Variants in AMZ1 observed in about 807,000 individuals in gnomAD.
The protein encoded by AMZ1 is archaemetzincin-1.
AMZ1 carries 39 observed loss-of-function variants against 29.9 expected under a neutral mutation model. That is an observed-to-expected ratio of 1.30 (90% confidence interval 1.01 to 1.70). The LOEUF is 1.70. AMZ1 is among the 40% of genes most tolerant of loss of function. AMZ1 has a pLI of 0.00. For synonymous variants in AMZ1, 458 were observed against 304.0 expected, an observed-to-expected ratio of 1.51 and a Z score of -5.27; for missense variants, 1,041 against 680.6, an observed-to-expected ratio of 1.53 and a Z score of -5.89.
intron 1 of AMZ1, among the ~76,000 whole-genome samples, chr7:2,692,958 G>T (rs1399473817): frequency 1.3e-5 from 2 of 152,160 alleles, no homozygotes; most frequent in Admixed American, 1.3e-4. Flanking sequence ...ACCCACCTCT[G>T]TCTGGGACGG....
Position 2,712,688 on chromosome 7 carries a change from C to G in AMZ1, c.1307C>G (p.Ala436Gly). 6.2e-7 allele frequency: 1 copy of G among 1,612,368 alleles called. No homozygotes were observed. The highest frequency in any genetic ancestry group is 8.5e-7 in the Non-Finnish European group (1 of 1,179,640). ...GTGCAGGTGGACAGAGCCGTGGACGCCCTCGACCGCTGGGAGATGTTCACG... is the reference window on the plus strand; with the variant it reads ...GTGCAGGTGGACAGAGCCGTGGACGGCCTCGACCGCTGGGAGATGTTCACG... The part of the protein sequence containing the change: ...DLVQVDRAVD[A>G]LDRWEMFTGQ... The change falls in exon 7 of 7, where the codon GCC becomes GGC. Residue 436 changes from alanine to glycine, a missense_variant. By Grantham distance (60) the Ala-to-Gly change is moderately conservative. Coordinates refer to ENST00000683327, the MANE Select transcript of AMZ1 (RefSeq NM_001384743.1).
chr7:2,738,221 C>T (rs1476358132), intron 4 of AMZ1, among the ~76,000 whole-genome samples: 1 of 151,908 alleles, frequency 6.6e-6, no homozygotes, highest in African/African-American at 2.4e-5. Context: ...TCGAGACAAG[C>T]CTGGCCAACA....
chr7:2,722,289 T>C (rs1789456943), downstream of AMZ1, among the ~76,000 whole-genome samples: 2 of 152,052 alleles, frequency 1.3e-5, no homozygotes, highest in African/African-American at 2.4e-5. Flanking sequence ...TTTTTTTTTT[T>C]TGAGACAGAC....
chr7:2,723,737 C>T (rs1167725721), downstream of AMZ1, among the ~76,000 whole-genome samples: 3 of 152,088 alleles, frequency 2.0e-5, no homozygotes, highest in East Asian at 1.9e-4. Context: ...GGTCAGGCAC[C>T]GCGGCTGTCC....
At chr7:2,703,271 G>A (rs1788166731) in intron 3 of AMZ1, among the ~76,000 whole-genome samples, 1 of 152,140 alleles carries the variant, frequency 6.6e-6, no homozygotes, top group Non-Finnish European at 1.5e-5. Flanking sequence ...AGCCTTCTGA[G>A]TAGCTGGGAC....
rs540045411 is a variant in AMZ1 at position 2,746,800 on chromosome 7, G to C, written n.551-17912G>C. Among the ~76,000 whole-genome samples the C allele has an allele frequency of 1.1e-3, 163 of 151,360 alleles. 1 individual carries two copies. Among genetic ancestry groups the C allele is most frequent in the African/African-American group, 3.9e-3 (160 of 41,206 alleles). The stretch of plus-strand genomic sequence containing the variant: ...GACTAATAAAGAAGAAAAGAGAGAA[G>C]AATCAAATAGATGCAATAAAAAATG... On this transcript the variant is annotated intron_variant and non_coding_transcript_variant, in intron 4 of 4. Coordinates refer to the AMZ1 transcript ENST00000489665.
chr7:2,753,791 C>A (rs984722009), intron 4 of AMZ1, among the ~76,000 whole-genome samples: 2 of 152,112 alleles, frequency 1.3e-5, no homozygotes, highest in Non-Finnish European at 1.5e-5. Flanking sequence ...TACTCCTGTG[C>A]CATAAGTTTT....
At chr7:2,697,460 C>G (rs750308786) in intron 1 of AMZ1, among the ~76,000 whole-genome samples, 1 of 151,856 alleles carries the variant, frequency 6.6e-6, no homozygotes, top group Non-Finnish European at 1.5e-5. Context: ...GTCTCACTCC[C>G]TCCTCCAGGC....
chr7:2,693,215 A>G (rs1297830395), intron 1 of AMZ1, among the ~76,000 whole-genome samples: 4 of 150,944 alleles, frequency 2.6e-5, no homozygotes, highest in African/African-American at 9.8e-5. Flanking sequence ...AATTCTTCTG[A>G]GTAGCTGGGA....
chr7:2,741,808 A>C (rs1331214301), intron 4 of AMZ1, among the ~76,000 whole-genome samples: 1 of 151,354 alleles, frequency 6.6e-6, no homozygotes, highest in Non-Finnish European at 1.5e-5. Context: ...CGGCAACTTC[A>C]GGTGCTGCTT....
At chr7:2,710,970 G>A (rs2115178721) in intron 6 of AMZ1, among the ~76,000 whole-genome samples, 1 of 152,354 alleles carries the variant, frequency 6.6e-6, no homozygotes, top group African/African-American at 2.4e-5. Context: ...AGGGTTGAGA[G>A]CTCTCATTTG....
chr7:2,733,943 C>A (rs1046065646), intron 4 of AMZ1, among the ~76,000 whole-genome samples: 1 of 152,234 alleles, frequency 6.6e-6, no homozygotes, highest in African/African-American at 2.4e-5. Context: ...TCCTTAAAGA[C>A]AAAACATCCT....
At chr7:2,700,795 C>T (rs1476930005) in intron 2 of AMZ1, 40 bp downstream of exon 2, 1 of 1,597,368 alleles carries the variant, frequency 6.3e-7, no homozygotes, top group South Asian at 1.1e-5. Context: ...TCCTGGGGGA[C>T]CAGCTTATAT....
intron 2 of AMZ1, 107 bp downstream of exon 2, chr7:2,700,862 A>G: frequency 2.1e-6 from 3 of 1,435,386 alleles, no homozygotes; most frequent in Non-Finnish European, 2.8e-6. Flanking sequence ...AAATGAGGGA[A>G]GAGGGTCCTG....
At chr7:2,761,339 G>T (rs1483268444), upstream of AMZ1, among the ~76,000 whole-genome samples, 2 of 152,228 alleles carry the variant, frequency 1.3e-5, no homozygotes, top group Admixed American at 1.3e-4. Context: ...ATGCCTAGAG[G>T]CACGGGGTGG....
intron 4 of AMZ1, among the ~76,000 whole-genome samples, chr7:2,733,769 G>A (rs973363370): frequency 6.6e-6 from 1 of 152,194 alleles, no homozygotes; most frequent in African/African-American, 2.4e-5. Flanking sequence ...GGTGTGTGGT[G>A]CGATGCAGGC....
At chr7:2,729,506 T>G (rs1789777585) in intron 4 of AMZ1, 1 of 151,718 alleles carries the variant, frequency 6.6e-6, no homozygotes, top group African/African-American at 2.4e-5. Flanking sequence ...CGAGAGAGAG[T>G]TCCATGCTGT....
chr7:2,727,815 T>C lies in AMZ1; in HGVS notation n.550+17999T>C, dbSNP rs150226687. On this transcript the variant is annotated intron_variant and non_coding_transcript_variant, in intron 4 of 4. Coordinates refer to the AMZ1 transcript ENST00000489665. ...GTAATCCCAGCACTGTGGGAGGCTG[T>C]GGGAGGCTGAGGTGGGCCGATCACG... Among the ~76,000 whole-genome samples the C allele has an allele frequency of 9.4e-3, 1,426 of 151,594 alleles. 13 individuals carry two copies. The highest frequency in any genetic ancestry group is 0.071 in the Middle Eastern group (21 of 294).
rs562498150 is a variant in AMZ1, at chr7:2,709,226, G to T, written c.753G>T (p.Gly251=). The T allele has an allele frequency of 1.0e-4, 151 of 1,507,824 alleles. No homozygotes were observed. Among genetic ancestry groups the T allele is most frequent in the Non-Finnish European group, 1.3e-4 (144 of 1,130,320 alleles). The allele number at this position is 1,507,824 out of a possible 1,614,324, so 93.4% of individuals were successfully genotyped here. ...GGGCCCTGTGCTTCAGTGCCCTGGGGATGGTTCAGTGCTGCAAGGTGGGTG... is the reference window on the plus strand; with the variant it reads ...GGGCCCTGTGCTTCAGTGCCCTGGGTATGGTTCAGTGCTGCAAGGTGGGTG... ...RGWALCFSAL[G]MVQCCKVTCH... The change falls in exon 5 of 7, where the codon GGG becomes GGT. Residue 251 remains glycine (G), a synonymous_variant. Transcript: ENST00000683327.
Sources: allele counts gnomAD v4.1 joint callset (sites outside exome capture counted in the v4.1 genomes callset), GRCh38; gene constraint gnomAD v4.1.1; transcripts MANE v1.5; gene names NCBI Gene and HGNC (gene_info 2026-07-23, HGNC 2026-07-21).